Variants in SLC6A16 observed in about 807,000 individuals in gnomAD.
SLC6A16 encodes orphan sodium- and chloride-dependent neurotransmitter transporter NTT5.
In SLC6A16, 54 loss-of-function variants were observed where a neutral mutation model predicts 65.4. That is an observed-to-expected ratio of 0.83 (90% CI 0.66 to 1.04). SLC6A16 has a LOEUF of 1.04. Among genes scored for constraint, SLC6A16 ranks in the 50% least tolerant of loss-of-function variants. The probability of loss-of-function intolerance (pLI) is 0.00; values close to 1 mark genes in which losing one functional copy is unlikely to be tolerated. For missense variants in SLC6A16, 816 were observed against 914.0 expected, an observed-to-expected ratio of 0.89 and a Z score of 1.38; for synonymous variants, 330 against 346.5, an observed-to-expected ratio of 0.95 and a Z score of 0.53.
At chr19:49,304,584 G>T (rs1970347772) in intron 7 of SLC6A16, among the ~76,000 whole-genome samples, 1 of 152,158 alleles carries the variant, frequency 6.6e-6, no homozygotes, top group African/African-American at 2.4e-5. Flanking sequence ...TGACCAACAT[G>T]GAGAAACCCC....
intron 1 of SLC6A16, among the ~76,000 whole-genome samples, chr19:49,323,321 A>T (rs1183216994): frequency 6.6e-6 from 1 of 152,188 alleles, no homozygotes; most frequent in Non-Finnish European, 1.5e-5. Context: ...ATTCTTGGAT[A>T]TGATACCAAA....
the SLC6A16 span, chr19:49,339,387 A>C: frequency 6.2e-7 from 1 of 1,613,962 alleles, no homozygotes; most frequent in Non-Finnish European, 8.5e-7. The surrounding 1 kb of genome is among the most constrained non-coding windows in gnomAD (Gnocchi z 4.5). Context: ...CATAGTGGGC[A>C]TTTGCCTGGG....
intron 1 of SLC6A16, among the ~76,000 whole-genome samples, chr19:49,321,478 G>A (rs1203667667): frequency 1.3e-5 from 2 of 151,998 alleles, no homozygotes; most frequent in South Asian, 2.1e-4. Context: ...GCTCACATCT[G>A]TAATCCCAGC....
intron 7 of SLC6A16, chr19:49,308,671 AG>A (rs1970442556): frequency 1.6e-6 from 1 of 624,222 alleles, no homozygotes; most frequent in Non-Finnish European, 2.8e-6. Context: ...ATTTATTTCT[AG>A]GGTGACAAAA....
intron 10 of SLC6A16, among the ~76,000 whole-genome samples, chr19:49,291,929 C>T (rs921233823): frequency 2.0e-5 from 3 of 152,200 alleles, no homozygotes; most frequent in African/African-American, 4.8e-5. Flanking sequence ...TATAGACTTA[C>T]ATTCCACAGC....
chr19:49,326,226 A>G (rs1970795964), upstream of SLC6A16, among the ~76,000 whole-genome samples: 1 of 152,028 alleles, frequency 6.6e-6, no homozygotes, highest in Non-Finnish European at 1.5e-5. Context: ...ATCATTTTAC[A>G]TTTTTGCAAA....
chr19:49,293,007 A>G, intron 10 of SLC6A16: 1 of 478,348 alleles, frequency 2.1e-6, no homozygotes, highest in Non-Finnish European at 3.7e-6. Flanking sequence ...CTTTTATTCA[A>G]TGCCCCTATC....
At chr19:49,317,221 G>T (rs556661870) in intron 1 of SLC6A16, among the ~76,000 whole-genome samples, 1 of 152,026 alleles carries the variant, frequency 6.6e-6, no homozygotes, top group South Asian at 2.1e-4. Flanking sequence ...CACACCTGTA[G>T]CCCCAGCTAC....
At chr19:49,297,822 A>G (rs1399577457) in intron 7 of SLC6A16, among the ~76,000 whole-genome samples, 2 of 152,240 alleles carry the variant, frequency 1.3e-5, no homozygotes. Flanking sequence ...GCTAAGTGAA[A>G]GAAGTCAGAT....
At chr19:49,318,868 ATTTTTTTT>A (rs71180618) in intron 1 of SLC6A16, among the ~76,000 whole-genome samples, 1 of 104,590 alleles carries the variant, frequency 9.6e-6, no homozygotes, top group Non-Finnish European at 1.8e-5. Flanking sequence ...ACAACTGGCT[ATTTTTTTT>A]TTTTTTTTTT....
the SLC6A16 span, among the ~76,000 whole-genome samples, chr19:49,334,623 G>A: frequency 5.3e-5 from 8 of 152,040 alleles, no homozygotes; most frequent in Non-Finnish European, 2.9e-5. Context: ...TTGAGTCCAG[G>A]AGTTCCAGAC....
intron 1 of SLC6A16, among the ~76,000 whole-genome samples, chr19:49,317,831 T>G (rs895735590): frequency 1.3e-5 from 2 of 151,852 alleles, no homozygotes; most frequent in African/African-American, 2.4e-5. Flanking sequence ...TACAAATAAT[T>G]AAAACAACTA....
Position 49,293,396 on chromosome 19 carries a change from G to C in SLC6A16, c.1619-14C>G. On this transcript the variant is annotated splice_polypyrimidine_tract_variant and intron_variant, in intron 9 of 11. Coordinates refer to ENST00000335875, the MANE Select transcript of SLC6A16 (RefSeq NM_014037.3). ...AAAAGACTCCCACTGGAGAAAACAT[G>C]AGATCTGGATCAAGGTTAGAAGTCA... 5 of 1,613,706 alleles carry C rather than the reference G, an allele frequency of 3.1e-6. No individual in the cohort carries two copies. Among genetic ancestry groups the C allele is most frequent in the African/African-American group, 1.3e-5 (1 of 75,042 alleles).
At chr19:49,294,152 C>G in intron 8 of SLC6A16, 124 bp from the exon 9 acceptor site, 1 of 961,242 alleles carries the variant, frequency 1.0e-6, no homozygotes, top group South Asian at 1.7e-5. Flanking sequence ...CTGAGAAAAT[C>G]AGATGTCCAA....
At chr19:49,307,731 A>AAAAAAAG (rs1329299774) in intron 7 of SLC6A16, among the ~76,000 whole-genome samples, 5 of 143,846 alleles carry the variant, frequency 3.5e-5, no homozygotes, top group African/African-American at 8.3e-5. Flanking sequence ...AAGCAAAAAA[A>AAAAAAAG]AAGAAAAAGA....
In SLC6A16 at chr19:49,290,078, G is replaced by T. The variant is rs1331520939; in HGVS notation, c.*45C>A. The T allele has an allele frequency of 1.3e-6, 2 of 1,568,866 alleles. No individual in the cohort carries two copies. Among genetic ancestry groups the T allele is most frequent in the Non-Finnish European group, 8.7e-7 (1 of 1,151,432 alleles). ...AAGCTGATATTAAGAGTTGTCTATT[G>T]GATCTGTTCTAAGGGATATGTTATG... On this transcript the variant is annotated 3_prime_UTR_variant, in exon 12 of 12. Coordinates refer to ENST00000335875, the MANE Select transcript of SLC6A16 (RefSeq NM_014037.3).
At chr19:49,340,114 TTTCTACCTATCCCC>T in the SLC6A16 span, 1 of 1,534,378 alleles carries the variant, frequency 6.5e-7, no homozygotes, top group Non-Finnish European at 8.8e-7. Flanking sequence ...GCCCCGCCCT[TTTCTACCTATCCCC>T]TTCTCCAGCC....
intron 7 of SLC6A16, among the ~76,000 whole-genome samples, chr19:49,300,777 C>T (rs1341892492): frequency 6.6e-6 from 1 of 152,100 alleles, no homozygotes. Flanking sequence ...CTGGGCCGGG[C>T]GCGGTGGCTC....
At chr19:49,294,629 AT>A in intron 7 of SLC6A16, 76 bp from the exon 8 acceptor site, 1 of 1,321,492 alleles carries the variant, frequency 7.6e-7, no homozygotes, top group Non-Finnish European at 1.0e-6. Context: ...TATCTTCAAG[AT>A]AAAAAAGGCT....
Sources: gnomAD v4.1 joint callset for allele counts (sites outside exome capture counted in the v4.1 genomes callset) on GRCh38, gnomAD v4.1.1 for gene constraint, Gnocchi (gnomAD v3.1) non-coding constraint, MANE v1.5 for transcripts, NCBI Gene and HGNC (gene_info 2026-07-23, HGNC 2026-07-21) for gene names.